Variants in GTF2IRD1 observed in about 807,000 individuals in gnomAD.
GTF2IRD1 encodes the protein general transcription factor II-I repeat domain-containing protein 1.
Under a neutral mutation model 113.2 loss-of-function variants are expected in GTF2IRD1, and 26 were observed. The observed-to-expected ratio is 0.23, with a 90% CI of 0.17 to 0.32. The LOEUF is 0.32. Ranked by LOEUF, GTF2IRD1 falls within the 10% of genes least tolerant of loss-of-function variation. The pLI, the probability that GTF2IRD1 is intolerant of heterozygous loss-of-function variation, is 1.00. For synonymous variants in GTF2IRD1, 484 were observed against 529.1 expected (o/e 0.91, Z 1.17); for missense variants, 864 against 1,280.8 (o/e 0.67, Z 4.97).
chr7:74,525,354 G>A (rs1409559492), intron 8 of GTF2IRD1, among the ~76,000 whole-genome samples: 4 of 152,090 alleles, frequency 2.6e-5, no homozygotes, highest in Admixed American at 6.5e-5. Context: ...CCTGCCTGCC[G>A]CTGTCTCCCT....
chr7:74,462,873 C>G (rs1256577613), intron 1 of GTF2IRD1, among the ~76,000 whole-genome samples: 1 of 152,262 alleles, frequency 6.6e-6, no homozygotes, highest in Non-Finnish European at 1.5e-5. Context: ...TGGCCCCATG[C>G]GATCCTCCCG....
intron 1 of GTF2IRD1, among the ~76,000 whole-genome samples, chr7:74,484,236 GA>G (rs1794895044): frequency 6.6e-6 from 1 of 152,158 alleles, no homozygotes; most frequent in South Asian, 2.1e-4. Flanking sequence ...TGGAGTCAAG[GA>G]TTTGGAGAGA....
At chr7:74,574,227 C>G (rs975319926) in intron 22 of GTF2IRD1, among the ~76,000 whole-genome samples, 8 of 145,164 alleles carry the variant, frequency 5.5e-5, no homozygotes, top group African/African-American at 7.6e-5. Flanking sequence ...GTCTCGAACT[C>G]CTGACCTCAG....
At chr7:74,587,569 T>A (rs1192640009) in intron 22 of GTF2IRD1, among the ~76,000 whole-genome samples, 10 of 152,074 alleles carry the variant, frequency 6.6e-5, no homozygotes, top group South Asian at 6.2e-4. Flanking sequence ...CATCTCACCC[T>A]TACCGAACCC....
At chr7:74,509,494 C>T (rs1796498592) in intron 2 of GTF2IRD1, among the ~76,000 whole-genome samples, 1 of 152,018 alleles carries the variant, frequency 6.6e-6, no homozygotes, top group South Asian at 2.1e-4. Context: ...GATCGTGCCA[C>T]TGCACTTCAG....
At position 74,508,059 on chromosome 7, in the gene GTF2IRD1, T is replaced by TC; in HGVS notation, c.-6-14dup. 1 of 1,597,920 alleles carries TC rather than the reference T, an allele frequency of 6.3e-7. No individual in the cohort carries two copies. Among genetic ancestry groups the TC allele is most frequent in the Non-Finnish European group, 8.5e-7 (1 of 1,176,296 alleles). On this transcript the variant is annotated splice_polypyrimidine_tract_variant and intron_variant, in intron 1 of 26. Coordinates refer to ENST00000424337, the MANE Select transcript of GTF2IRD1 (RefSeq NM_005685.4). Reference sequence around the variant, plus strand: ...CTGCCTTGTGCCCACCACCACTGCCTCCTCCCTCCCCACAGGCGACCATGG... The same window carrying TC: ...CTGCCTTGTGCCCACCACCACTGCCTCCCTCCCTCCCCACAGGCGACCATGG...
chr7:74,554,361 G>A (rs1251281069), intron 17 of GTF2IRD1, among the ~76,000 whole-genome samples: 3 of 152,186 alleles, frequency 2.0e-5, no homozygotes, highest in African/African-American at 7.2e-5. Flanking sequence ...GTTGACTCAT[G>A]TCTGGACAGG....
At chr7:74,549,510 A>G (rs1799164554) in intron 17 of GTF2IRD1, among the ~76,000 whole-genome samples, 1 of 152,146 alleles carries the variant, frequency 6.6e-6, no homozygotes, top group African/African-American at 2.4e-5. Flanking sequence ...CTGCTCCATG[A>G]CACACAAAGA....
chr7:74,538,690 G>A lies in GTF2IRD1; in HGVS notation c.1458G>A (p.Gly486=). The A allele has an allele frequency of 6.3e-7, 1 of 1,596,546 alleles. No homozygotes were observed. The highest frequency in any genetic ancestry group is 1.1e-5 in the South Asian group (1 of 90,776). ...CTTTCCTCCTTGCAGGAACCTCCGG[G>A]GAGCTGGGCGGGCTGAGGCCGATCA... ...MSEDCGPGTS[G]ELGGLRPIKI... The change falls in exon 13 of 27, where the codon GGG becomes GGA. Residue 486 remains glycine, a synonymous_variant. Coordinates refer to ENST00000424337, the MANE Select transcript of GTF2IRD1 (RefSeq NM_005685.4).
chr7:74,586,417 T>C (rs1234569407), intron 22 of GTF2IRD1, among the ~76,000 whole-genome samples: 2 of 151,966 alleles, frequency 1.3e-5, no homozygotes, highest in East Asian at 1.9e-4. Context: ...CTCCACGAGA[T>C]AGGGACACGG....
intron 14 of GTF2IRD1, among the ~76,000 whole-genome samples, chr7:74,543,145 A>G (rs182319546): frequency 6.2e-4 from 94 of 152,268 alleles, no homozygotes; most frequent in Non-Finnish European, 1.1e-3. Flanking sequence ...TCCACTAAAA[A>G]TACAAAATTA....
At chr7:74,528,062 G>A (rs1797709440) in intron 8 of GTF2IRD1, among the ~76,000 whole-genome samples, 1 of 152,144 alleles carries the variant, frequency 6.6e-6, no homozygotes, top group Non-Finnish European at 1.5e-5. Flanking sequence ...CTGGAAGAAG[G>A]CACACACCTG....
At chr7:74,499,509 G>GGAAT (rs1266827642) in intron 1 of GTF2IRD1, among the ~76,000 whole-genome samples, 2 of 152,094 alleles carry the variant, frequency 1.3e-5, no homozygotes, top group African/African-American at 2.4e-5. Context: ...CATACATCAA[G>GGAAT]GAATGAATGA....
chr7:74,525,069 A>G (rs1297836707), intron 8 of GTF2IRD1, among the ~76,000 whole-genome samples: 2 of 151,948 alleles, frequency 1.3e-5, no homozygotes, highest in African/African-American at 4.8e-5. Context: ...ATTGCCCATC[A>G]GGGGAACTAT....
Position 74,519,401 on chromosome 7 carries a change from T to C in GTF2IRD1, c.606-8T>C. On this transcript the variant is annotated splice_region_variant and splice_polypyrimidine_tract_variant and intron_variant, in intron 5 of 26. Coordinates refer to ENST00000424337, the MANE Select transcript of GTF2IRD1 (RefSeq NM_005685.4). ...CAAAGCTGTCCATGTGTCCTCTCCTTTACTCAGGCCACTTGAGGATGGCGG... is the reference window on the plus strand; with the variant it reads ...CAAAGCTGTCCATGTGTCCTCTCCTCTACTCAGGCCACTTGAGGATGGCGG... 1 of 1,515,934 alleles carries C rather than the reference T, an allele frequency of 6.6e-7. No homozygotes were observed. Among genetic ancestry groups the C allele is most frequent in the Non-Finnish European group, 8.8e-7 (1 of 1,131,824 alleles). The allele number at this position is 1,515,934 out of a possible 1,614,324, so 93.9% of individuals were successfully genotyped here.
At chr7:74,457,877 GTT>G (rs1219714627) in intron 1 of GTF2IRD1, among the ~76,000 whole-genome samples, 16 of 122,768 alleles carry the variant, frequency 1.3e-4, no homozygotes, top group Admixed American at 2.6e-4. Context: ...TTACGTTTTT[GTT>G]TTTTTTTTTT....
At chr7:74,488,982 A>C (rs13230124) in intron 1 of GTF2IRD1, among the ~76,000 whole-genome samples, 95,089 of 151,194 alleles carry the variant, frequency 0.63, 30,553 homozygotes, top group Admixed American at 0.73. Context: ...TCTCTACTAA[A>C]AATACAAAAA....
At chr7:74,580,420 A>C (rs1238308299) in intron 22 of GTF2IRD1, among the ~76,000 whole-genome samples, 1 of 152,150 alleles carries the variant, frequency 6.6e-6, no homozygotes, top group East Asian at 1.9e-4. Flanking sequence ...TCTGAGCTGA[A>C]GTCCTCTAAC....
At chr7:74,544,651 G>A in intron 14 of GTF2IRD1, 104 bp from the exon 15 acceptor site, 1 of 1,154,704 alleles carries the variant, frequency 8.7e-7, no homozygotes. Flanking sequence ...TTCAGAGTTG[G>A]GGCCCCCTGG....
Sources: gnomAD v4.1 joint callset for allele counts (sites outside exome capture counted in the v4.1 genomes callset) on GRCh38, gnomAD v4.1.1 for gene constraint, MANE v1.5 for transcripts, NCBI Gene and HGNC (gene_info 2026-07-23, HGNC 2026-07-21) for gene names.